MTMR7: variants seen among roughly 807,000 people sequenced by gnomAD.
The protein encoded by MTMR7 is myotubularin related protein 7.
Under a neutral mutation model 81.2 loss-of-function variants are expected in MTMR7, and 76 were observed. That is an observed-to-expected ratio of 0.94 (90% CI 0.78 to 1.13). The LOEUF (loss-of-function observed/expected upper bound fraction) is 1.13, where lower values mean the gene tolerates loss of function less well. MTMR7 is among the 50% of genes most tolerant of loss of function. The pLI is 0.00. For missense variants in MTMR7, 1,044 were observed against 820.0 expected (o/e 1.27, Z -3.34); for synonymous variants, 372 against 289.8 (o/e 1.28, Z -2.88).
chr8:17,305,901 A>T lies in MTMR7; in HGVS notation c.1208T>A (p.Ile403Asn). Residue 403 changes from isoleucine to asparagine, a missense_variant, in exon 11 of 14, where the codon ATT becomes AAT. Coordinates refer to ENST00000180173, the MANE Select transcript of MTMR7 (RefSeq NM_004686.5). ...TTCCATTAACTGCCAAACACACTCAATGAACTGGTCAATAACTGGAGAGAT... is the reference window on the plus strand; with the variant it reads ...TTCCATTAACTGCCAAACACACTCATTGAACTGGTCAATAACTGGAGAGAT... ...KEISPVIDQF[I>N]ECVWQLMEQF... is the part of the protein sequence containing the mutation. The T allele has an allele frequency of 6.2e-7, 1 of 1,613,838 alleles. No individual in the cohort carries two copies. Among genetic ancestry groups the T allele is most frequent in the Non-Finnish European group, 8.5e-7 (1 of 1,179,794 alleles).
chr8:17,386,845 T>C (rs1334392313), intron 1 of MTMR7, among the ~76,000 whole-genome samples: 1 of 152,084 alleles, frequency 6.6e-6, no homozygotes, highest in Admixed American at 6.5e-5. Context: ...CAAAAAAACA[T>C]ACAAACTGAG....
chr8:17,364,549 T>C (rs1820165004), intron 3 of MTMR7, among the ~76,000 whole-genome samples: 1 of 152,198 alleles, frequency 6.6e-6, no homozygotes, highest in South Asian at 2.1e-4. Context: ...GCCTGAGGCT[T>C]TGCAGCCTTT....
intron 2 of MTMR7, 166 bp downstream of exon 2, chr8:17,372,952 G>C (rs1297418587): frequency 8.5e-6 from 6 of 707,666 alleles, no homozygotes; most frequent in Non-Finnish European, 1.4e-5. Flanking sequence ...CGATCAAGTA[G>C]ATACGACTGC....
chr8:17,374,636 TAAATA>T (rs1254676864), intron 1 of MTMR7, among the ~76,000 whole-genome samples: 1 of 143,100 alleles, frequency 7.0e-6, no homozygotes, highest in Non-Finnish European at 1.6e-5. Context: ...AATAAATAAA[TAAATA>T]AAATAAAATA....
rs74934778 is a variant in MTMR7 at position 17,400,348 on chromosome 8, T to A, written c.24+12921A>T. Among the ~76,000 whole-genome samples the A allele has an allele frequency of 4.6e-3, 694 of 152,216 alleles. 3 individuals carry two copies. The highest frequency in any genetic ancestry group is 0.016 in the African/African-American group (665 of 41,534). On this transcript the variant is annotated intron_variant, in intron 1 of 13. Coordinates refer to ENST00000180173, the MANE Select transcript of MTMR7 (RefSeq NM_004686.5). ...CACAGATGAGGAAACTAAAGTTAAA[T>A]AAGTTAGTGAGCTGTAAGAGGCAGA...
At chr8:17,353,912 C>T (rs138497070) in intron 4 of MTMR7, among the ~76,000 whole-genome samples, 23 of 152,328 alleles carry the variant, frequency 1.5e-4, no homozygotes, top group Non-Finnish European at 3.4e-4. Context: ...ACTTACTATA[C>T]GCCAGGCATT....
chr8:17,308,550 A>G (rs1817614562), intron 10 of MTMR7, among the ~76,000 whole-genome samples: 1 of 152,244 alleles, frequency 6.6e-6, no homozygotes, highest in South Asian at 2.1e-4. Context: ...TTCTGAAAAT[A>G]TATATCAAAC....
At chr8:17,308,941 A>G (rs1011896027) in intron 10 of MTMR7, among the ~76,000 whole-genome samples, 4 of 152,220 alleles carry the variant, frequency 2.6e-5, no homozygotes, top group African/African-American at 9.6e-5. Flanking sequence ...CTTGCAGACT[A>G]AAGTGAATCT....
intron 2 of MTMR7, 36 bp downstream of exon 2, chr8:17,373,082 G>A (rs751318424): frequency 1.9e-5 from 30 of 1,608,678 alleles, no homozygotes; most frequent in South Asian, 8.9e-5. Context: ...TTCAAACAAC[G>A]CAAAACAAGG....
At chr8:17,353,552 G>A (rs7838388) in intron 4 of MTMR7, among the ~76,000 whole-genome samples, 31,254 of 152,048 alleles carry the variant, frequency 0.21, 4,340 homozygotes, top group African/African-American at 0.39. Context: ...TACATAATGC[G>A]CACAATGATG....
chr8:17,304,539 T>C lies in MTMR7; in HGVS notation c.1353-20A>G, dbSNP rs1271533333. 2 of 1,606,890 alleles carry C rather than the reference T, an allele frequency of 1.2e-6. No homozygotes were observed. The highest frequency in any genetic ancestry group is 2.2e-5 in the East Asian group (1 of 44,694). ...TGAATCCTGTTATAAAGAAAATAAG[T>C]CTATAAATGACCTATTTTGGTGCTT... On this transcript the variant is annotated intron_variant, in intron 11 of 13. Coordinates refer to ENST00000180173, the MANE Select transcript of MTMR7 (RefSeq NM_004686.5).
At chr8:17,364,225 G>A (rs1382133859) in intron 3 of MTMR7, among the ~76,000 whole-genome samples, 2 of 151,494 alleles carry the variant, frequency 1.3e-5, no homozygotes, top group African/African-American at 2.4e-5. Context: ...AGTAGAGACG[G>A]GTTTTCACTG....
rs1470373261 is a variant in MTMR7, at chr8:17,363,050, A to G, written c.311-1776T>C. Among the ~76,000 whole-genome samples the G allele has an allele frequency of 4.6e-5, 7 of 152,352 alleles. No homozygotes were observed. The East Asian group carries it at 1.3e-3, about 29-fold the overall frequency. On this transcript the variant is annotated intron_variant, in intron 3 of 13. Transcript: ENST00000180173. ...CTAAACTTCAAAACTTAGAGTACGG[A>G]CTATTTGGACAAATAACAAAATACG...
intron 7 of MTMR7, among the ~76,000 whole-genome samples, chr8:17,317,788 A>G (rs975880429): frequency 1.3e-5 from 2 of 152,202 alleles, no homozygotes; most frequent in African/African-American, 4.8e-5. Flanking sequence ...TACTTCCGCC[A>G]TAAATTGCAG....
At chr8:17,336,415 C>G (rs1819237903) in intron 6 of MTMR7, among the ~76,000 whole-genome samples, 1 of 152,070 alleles carries the variant, frequency 6.6e-6, no homozygotes, top group Non-Finnish European at 1.5e-5. Context: ...TGCCCTCGCC[C>G]CAGTTCTCTT....
rs1586111110 is a variant in MTMR7, at chr8:17,297,556, C to G, written c.*2306G>C. ...GCTGGGTCATGGTCAAAATTCTTAC[C>G]TATTTATTTCATATCAACTTTAAAA... On this transcript the variant is annotated 3_prime_UTR_variant, in exon 14 of 14. Coordinates refer to ENST00000180173, the MANE Select transcript of MTMR7 (RefSeq NM_004686.5). The G allele has an allele frequency of 6.6e-6, 1 of 151,572 alleles. No individual in the cohort carries two copies. The highest frequency in any genetic ancestry group is 1.5e-5 in the Non-Finnish European group (1 of 67,808). 9.4% of individuals were successfully genotyped at this position (151,572 alleles called of 1,614,324 possible). A position where few individuals can be genotyped will look rare whatever the true frequency, so the allele number is the denominator to read the frequency against.
chr8:17,375,907 G>C (rs1820571729), intron 1 of MTMR7, among the ~76,000 whole-genome samples: 2 of 152,166 alleles, frequency 1.3e-5, no homozygotes, highest in Non-Finnish European at 2.9e-5. Context: ...GCTCTGTTGA[G>C]ATATAACTCA....
Position 17,363,233 on chromosome 8 carries a change from C to T in MTMR7, c.311-1959G>A, listed in dbSNP as rs139853821. On this transcript the variant is annotated intron_variant, in intron 3 of 13. Transcript: ENST00000180173. ...GACACATCTTTTCCATCTCTAAGTA[C>T]CATTTTCATGACTCAGGCTTCTGCT... is the stretch of plus-strand genomic sequence containing the variant. Among the ~76,000 whole-genome samples the T allele has an allele frequency of 1.3e-4, 20 of 152,332 alleles. 1 individual carries two copies. The highest frequency in any genetic ancestry group is 4.6e-4 in the African/African-American group (19 of 41,580).
At chr8:17,306,934 C>T (rs1238553277) in intron 10 of MTMR7, among the ~76,000 whole-genome samples, 1 of 151,886 alleles carries the variant, frequency 6.6e-6, no homozygotes, top group Non-Finnish European at 1.5e-5. Flanking sequence ...CTATAAAAAA[C>T]CCTAGAAGAA....
Sources: gnomAD v4.1 joint callset for allele counts (sites outside exome capture counted in the v4.1 genomes callset) on GRCh38, gnomAD v4.1.1 for gene constraint, MANE v1.5 for transcripts, NCBI Gene and HGNC (gene_info 2026-07-23, HGNC 2026-07-21) for gene names.